Variants in SLC4A4 observed in about 807,000 individuals in gnomAD.
The protein encoded by SLC4A4 is solute carrier family 4 member 4, also known as electrogenic sodium bicarbonate cotransporter 1.
SLC4A4 carries 27 observed loss-of-function variants against 111.5 expected under a neutral mutation model. The ratio of observed to expected loss-of-function variants is 0.24; its 90% CI spans 0.18 to 0.33. The LOEUF (loss-of-function observed/expected upper bound fraction) is 0.33. Among genes scored for constraint, SLC4A4 ranks in the 10% least tolerant of loss-of-function variants. The probability of loss-of-function intolerance (pLI) is 1.00; values close to 1 mark genes in which losing one functional copy is unlikely to be tolerated. For missense variants in SLC4A4, 909 were observed against 1,315.5 expected, an observed-to-expected ratio of 0.69 and a Z score of 4.78; for synonymous variants, 443 against 463.4, an observed-to-expected ratio of 0.96 and a Z score of 0.57.
intron 3 of SLC4A4, among the ~76,000 whole-genome samples, chr4:71,306,754 C>T (rs1228361473): frequency 3.3e-5 from 5 of 152,104 alleles, no homozygotes; most frequent in African/African-American, 1.2e-4. Flanking sequence ...ATTAGAGTGC[C>T]ACTTCACAAA....
chr4:71,268,846 G>A (rs909525630), intron 3 of SLC4A4, among the ~76,000 whole-genome samples: 2 of 152,134 alleles, frequency 1.3e-5, no homozygotes, highest in African/African-American at 4.8e-5. Flanking sequence ...GGGCATTCAG[G>A]GAACTGACTA....
intron 6 of SLC4A4, among the ~76,000 whole-genome samples, chr4:71,391,320 T>C (rs1472568268): frequency 6.6e-6 from 1 of 152,100 alleles, no homozygotes; most frequent in East Asian, 1.9e-4. Context: ...AGCTTGTCCA[T>C]GGGTTCTCTA....
intron 2 of SLC4A4, among the ~76,000 whole-genome samples, chr4:71,241,675 C>G (rs1365182157): frequency 6.6e-6 from 1 of 152,166 alleles, no homozygotes; most frequent in Non-Finnish European, 1.5e-5. Flanking sequence ...GACCTCTTCT[C>G]TGCTGTTCAC....
chr4:71,529,200 T>C (rs930226015), intron 16 of SLC4A4, among the ~76,000 whole-genome samples: 6 of 152,068 alleles, frequency 3.9e-5, no homozygotes, highest in Non-Finnish European at 8.8e-5. Context: ...GATTTGGAAG[T>C]TCTGGGATTT....
chr4:71,441,525 G>C (rs973935479), intron 8 of SLC4A4, among the ~76,000 whole-genome samples: 2 of 151,734 alleles, frequency 1.3e-5, no homozygotes, highest in African/African-American at 4.8e-5. Context: ...GGGATGGGGG[G>C]TGGGGGAGTT....
intron 18 of SLC4A4, among the ~76,000 whole-genome samples, chr4:71,542,391 A>G (rs1266484061): frequency 6.6e-6 from 1 of 152,082 alleles, no homozygotes; most frequent in Non-Finnish European, 1.5e-5. Flanking sequence ...CAACAGAGCC[A>G]TCCTTCTAAA....
intron 2 of SLC4A4, among the ~76,000 whole-genome samples, chr4:71,173,503 C>G (rs972830153): frequency 6.6e-6 from 1 of 152,186 alleles, no homozygotes; most frequent in Non-Finnish European, 1.5e-5. Flanking sequence ...GCCTCAGCCT[C>G]CCAAGTAGCT....
chr4:71,560,059 G>T lies in SLC4A4; in HGVS notation c.2938-34G>T, dbSNP rs764929894. 1.0e-5 allele frequency: 16 copies of T among 1,538,780 alleles called. 1 individual carries two copies. In the Middle Eastern group the frequency reaches 5.1e-4, roughly 49 times the overall value. On this transcript the variant is annotated intron_variant, in intron 22 of 25. Coordinates refer to ENST00000264485, the MANE Select transcript of SLC4A4 (RefSeq NM_001098484.3). ...GCTTGCTGTGACTTCATCTGACATG[G>T]TTTCTTTCATACTTTTAATATTTGC...
chr4:71,401,899 G>T (rs1221660230), intron 7 of SLC4A4, among the ~76,000 whole-genome samples: 1 of 152,180 alleles, frequency 6.6e-6, no homozygotes, highest in Non-Finnish European at 1.5e-5. Context: ...GGGGACACTT[G>T]AGGTCTACAT....
chr4:71,461,552 G>A (rs370403430), intron 12 of SLC4A4, among the ~76,000 whole-genome samples: 5 of 152,068 alleles, frequency 3.3e-5, no homozygotes, highest in Non-Finnish European at 5.9e-5. Flanking sequence ...ATGTGCTTGC[G>A]TTGCCTTAGC....
intron 3 of SLC4A4, among the ~76,000 whole-genome samples, chr4:71,269,570 C>T (rs138217736): frequency 7.2e-5 from 11 of 152,198 alleles, no homozygotes; most frequent in Non-Finnish European, 1.6e-4. Flanking sequence ...TGGCATATTG[C>T]ATTGCGTGTC....
At chr4:71,213,043 G>A (rs938803071) in intron 1 of SLC4A4, among the ~76,000 whole-genome samples, 10 of 152,158 alleles carry the variant, frequency 6.6e-5, no homozygotes, top group Non-Finnish European at 1.5e-4. Context: ...TAGATTAGGA[G>A]CAATAGGTTA....
rs370830510 is a variant in SLC4A4 at position 71,445,315 on chromosome 4, G to A, written c.966-2331G>A. Among the ~76,000 whole-genome samples the A allele has an allele frequency of 4.5e-4, 69 of 152,286 alleles. No individual in the cohort carries two copies. In the East Asian group the frequency reaches 5.4e-3, roughly 12 times the overall value. On this transcript the variant is annotated intron_variant, in intron 8 of 25. Transcript: ENST00000264485. Reference sequence around the variant, plus strand: ...ATGTTTGAGGACTATTAATGACTGAGAATGTTTTTTCACTAACTAGACAAT... The same window carrying A: ...ATGTTTGAGGACTATTAATGACTGAAAATGTTTTTTCACTAACTAGACAAT...
intron 12 of SLC4A4, among the ~76,000 whole-genome samples, chr4:71,464,417 T>G (rs978391677): frequency 1.3e-5 from 2 of 152,174 alleles, no homozygotes; most frequent in Non-Finnish European, 2.9e-5. Flanking sequence ...CTGCCCTTCC[T>G]TGTTATTCTG....
intron 1 of SLC4A4, among the ~76,000 whole-genome samples, chr4:71,216,187 G>C (rs1012004007): frequency 2.6e-5 from 4 of 152,154 alleles, no homozygotes; most frequent in African/African-American, 9.7e-5. Flanking sequence ...GGGATTACAG[G>C]CGTGAGCCAC....
intron 6 of SLC4A4, among the ~76,000 whole-genome samples, chr4:71,379,219 T>C (rs1377628121): frequency 6.6e-6 from 1 of 152,184 alleles, no homozygotes; most frequent in African/African-American, 2.4e-5. Context: ...CAGGTTCATG[T>C]TCCCTAGCCT....
At position 71,550,948 on chromosome 4, in the gene SLC4A4, T is replaced by C. The variant is rs140433056; in HGVS notation, c.2694+3228T>C. Among the ~76,000 whole-genome samples, 26 of 152,036 alleles carry C rather than the reference T, an allele frequency of 1.7e-4. No individual in the cohort carries two copies. The East Asian group carries it at 5.1e-3, about 30-fold the overall frequency. ...CCTTGACCCTAGCCAGCAACAGTCA[T>C]ACATGCCTCAAAGCACTGAATCTAA... On this transcript the variant is annotated intron_variant, in intron 20 of 25. Coordinates refer to ENST00000264485, the MANE Select transcript of SLC4A4 (RefSeq NM_001098484.3).
intron 2 of SLC4A4, among the ~76,000 whole-genome samples, chr4:71,106,412 C>T (rs1234652467): frequency 6.7e-5 from 10 of 148,888 alleles, no homozygotes; most frequent in African/African-American, 2.5e-4. Context: ...AGCCAGCCAT[C>T]CCATTACTGG....
intron 2 of SLC4A4, among the ~76,000 whole-genome samples, chr4:71,128,647 C>A (rs575636001): frequency 6.6e-6 from 1 of 152,054 alleles, no homozygotes; most frequent in Non-Finnish European, 1.5e-5. Context: ...AACCACCGTG[C>A]CAAGCTAATT....
Sources: allele counts gnomAD v4.1 joint callset (sites outside exome capture counted in the v4.1 genomes callset), GRCh38; gene constraint gnomAD v4.1.1; transcripts MANE v1.5; gene names NCBI Gene and HGNC (gene_info 2026-07-23, HGNC 2026-07-21).